Variants in ADGRG6 observed in about 807,000 individuals in gnomAD.
ADGRG6 encodes the protein adhesion G protein-coupled receptor G6.
In ADGRG6, 84 loss-of-function variants were observed where a neutral mutation model predicts 142.4. The observed-to-expected ratio is 0.59, with a 90% CI of 0.49 to 0.71. The LOEUF (loss-of-function observed/expected upper bound fraction) is 0.71. Among genes scored for constraint, ADGRG6 ranks in the 30% least tolerant of loss-of-function variants. The probability of loss-of-function intolerance (pLI) is 0.00; values close to 1 mark genes in which losing one functional copy is unlikely to be tolerated. For synonymous variants in ADGRG6, 521 were observed against 520.5 expected, an observed-to-expected ratio of 1.00 and a Z score of -0.01; for missense variants, 1,367 against 1,466.6, an observed-to-expected ratio of 0.93 and a Z score of 1.11.
chr6:142,417,190 C>A, intron 20 of ADGRG6, 83 bp from the exon 21 acceptor site: 1 of 778,890 alleles, frequency 1.3e-6, no homozygotes, highest in Non-Finnish European at 2.3e-6. Flanking sequence ...CTTTTCATTT[C>A]TTTTCTTTAC....
intron 2 of ADGRG6, among the ~76,000 whole-genome samples, chr6:142,351,763 C>T: frequency 6.6e-6 from 1 of 152,074 alleles, no homozygotes; most frequent in East Asian, 1.9e-4. Context: ...AACAGACAGC[C>T]TACAGAAGGG....
chr6:142,403,759 A>T lies in ADGRG6; in HGVS notation c.1956-43A>T, dbSNP rs749558513. On this transcript the variant is annotated intron_variant, in intron 13 of 24. Transcript: ENST00000367609. Reference sequence around the variant, plus strand: ...AAACATGTATGTTTAAGAATCTAAAATATCATATTACTTAATAGTGGCATT... The same window carrying T: ...AAACATGTATGTTTAAGAATCTAAATTATCATATTACTTAATAGTGGCATT... The T allele has an allele frequency of 4.1e-6, 5 of 1,233,702 alleles. No individual in the cohort carries two copies. In the South Asian group the frequency reaches 7.1e-5, roughly 18 times the overall value. The allele number at this position is 1,233,702 out of a possible 1,614,324, so 76.4% of individuals were successfully genotyped here. A position where few individuals can be genotyped will look rare whatever the true frequency, so the allele number is the denominator to read the frequency against.
At chr6:142,399,960 T>C (rs1434611178) in intron 10 of ADGRG6, among the ~76,000 whole-genome samples, 1 of 152,194 alleles carries the variant, frequency 6.6e-6, no homozygotes, top group Non-Finnish European at 1.5e-5. Flanking sequence ...TGAGAGTTTG[T>C]TGGTTTGCAG....
chr6:142,416,025 A>C lies in ADGRG6; in HGVS notation c.2899A>C (p.Ile967Leu). The change falls in exon 20 of 25, where the codon ATT becomes CTT. Residue 967 changes from isoleucine to leucine, a missense_variant. Physicochemically the swap from Ile to Leu is conservative, Grantham distance 5. Coordinates refer to ENST00000367609, the MANE Select transcript of ADGRG6 (RefSeq NM_198569.3). ...IALVKVFNTY[I>L]RRYILKFCII... Reference sequence around the variant, plus strand: ...TCTAGTTAAAGTATTTAACACTTACATTCGCCGATACATTCTAAAATTCTG... The same window carrying C: ...TCTAGTTAAAGTATTTAACACTTACCTTCGCCGATACATTCTAAAATTCTG... The C allele has an allele frequency of 6.2e-7, 1 of 1,612,970 alleles. No individual in the cohort carries two copies. Among genetic ancestry groups the C allele is most frequent in the East Asian group, 2.2e-5 (1 of 44,860 alleles).
intron 22 of ADGRG6, among the ~76,000 whole-genome samples, chr6:142,427,694 G>A (rs1777016185): frequency 6.6e-6 from 1 of 152,158 alleles, no homozygotes; most frequent in Non-Finnish European, 1.5e-5. Context: ...GTTTATAAAA[G>A]AAAGAGGTTT....
intron 6 of ADGRG6, among the ~76,000 whole-genome samples, chr6:142,389,665 T>C (rs768102704): frequency 6.6e-6 from 1 of 151,894 alleles, no homozygotes. Flanking sequence ...TTTTTTTCCC[T>C]CTATTTTGGT....
chr6:142,341,613 A>T lies in ADGRG6; in HGVS notation c.104-25956A>T, dbSNP rs569643399. ...TATTATATATTATATATACTATATA[A>T]TATGTAGTATATATAATATATAATA... is the stretch of plus-strand genomic sequence containing the variant. On this transcript the variant is annotated intron_variant, in intron 2 of 24. Transcript: ENST00000367609. Among the ~76,000 whole-genome samples, 2 of 122,720 alleles carry T rather than the reference A, an allele frequency of 1.6e-5. 1 individual carries two copies. Among genetic ancestry groups the T allele is most frequent in the Non-Finnish European group, 3.2e-5 (2 of 61,612 alleles). 80.5% of individuals were successfully genotyped at this position (122,720 alleles called of 152,430 possible).
chr6:142,324,606 G>T, intron 2 of ADGRG6, among the ~76,000 whole-genome samples: 1 of 152,110 alleles, frequency 6.6e-6, no homozygotes, highest in Non-Finnish European at 1.5e-5. Context: ...TAGTTTTTTC[G>T]TCTTAATTAT....
rs1777905713 is a variant in ADGRG6 at position 142,444,825 on chromosome 6, T to G, written c.*1310T>G. On this transcript the variant is annotated 3_prime_UTR_variant, in exon 25 of 25. Transcript: ENST00000367609. ...TAGATGATGGAGTCCATGCAGTTTC[T>G]TAGAAATCGGTCTCAGTGCATGCTG... The G allele has an allele frequency of 6.6e-6, 1 of 152,218 alleles. No individual in the cohort carries two copies. The highest frequency in any genetic ancestry group is 2.4e-5 in the African/African-American group (1 of 41,458). 9.4% of individuals were successfully genotyped at this position (152,218 alleles called of 1,614,324 possible). A position where few individuals can be genotyped will look rare whatever the true frequency, so the allele number is the denominator to read the frequency against.
chr6:142,321,559 G>T (rs901715108), intron 2 of ADGRG6, among the ~76,000 whole-genome samples: 5 of 151,902 alleles, frequency 3.3e-5, no homozygotes, highest in African/African-American at 1.2e-4. Context: ...TAAGAATAGG[G>T]TTCTCTAAAA....
In ADGRG6 at chr6:142,437,517, C is replaced by T. The variant is rs762950556; in HGVS notation, c.3403C>T (p.Arg1135Trp). The T allele has an allele frequency of 1.1e-5, 16 of 1,515,946 alleles. No individual in the cohort carries two copies. Among genetic ancestry groups the T allele is most frequent in the East Asian group, 2.3e-5 (1 of 44,390 alleles). 93.9% of individuals were successfully genotyped at this position (1,515,946 alleles called of 1,614,324 possible). A position where few individuals can be genotyped will look rare whatever the true frequency, so the allele number is the denominator to read the frequency against. Residue 1135 changes from arginine to tryptophan, a missense_variant, in exon 23 of 25, where the codon CGG (arginine) becomes TGG (tryptophan). By Grantham distance (101) the Arg-to-Trp change is moderately radical. This residue lies in a region of ADGRG6 where 344 missense variants were observed against 348.7 expected (regional missense o/e 0.99). Coordinates refer to ENST00000367609, the MANE Select transcript of ADGRG6 (RefSeq NM_198569.3). ...WRQHLCCGRF[R>W]LADNSDWSKT... ...GCAGCATCTCTGCTGTGGTAGATTT[C>T]GGTTAGCAGATAACTCAGGTAAAGA... is the stretch of plus-strand genomic sequence containing the variant.
intron 2 of ADGRG6, among the ~76,000 whole-genome samples, chr6:142,346,595 A>G (rs569239454): frequency 1.4e-4 from 22 of 152,244 alleles, no homozygotes; most frequent in Middle Eastern, 3.4e-3. Context: ...TTGCAGTACT[A>G]TTCACAATAG....
At chr6:142,406,151 G>A (rs568447122) in intron 15 of ADGRG6, among the ~76,000 whole-genome samples, 1 of 150,258 alleles carries the variant, frequency 6.7e-6, no homozygotes, top group Non-Finnish European at 1.5e-5. Flanking sequence ...CAATCATTTA[G>A]GCCTTTACAG....
chr6:142,312,172 G>C (rs1162513653), intron 2 of ADGRG6, among the ~76,000 whole-genome samples: 1 of 152,004 alleles, frequency 6.6e-6, no homozygotes, highest in Non-Finnish European at 1.5e-5. Flanking sequence ...GACTGTGATA[G>C]CTAGGTTAGG....
At chr6:142,334,934 A>G (rs2114683989) in intron 2 of ADGRG6, among the ~76,000 whole-genome samples, 1 of 152,314 alleles carries the variant, frequency 6.6e-6, no homozygotes, top group South Asian at 2.1e-4. Flanking sequence ...TGAAAGCCAT[A>G]TTGTTTAAAA....
At chr6:142,330,171 A>G (rs1463295326) in intron 2 of ADGRG6, among the ~76,000 whole-genome samples, 1 of 152,006 alleles carries the variant, frequency 6.6e-6, no homozygotes, top group Non-Finnish European at 1.5e-5. Flanking sequence ...CTCCAGCTCC[A>G]TCCATGTCCC....
intron 2 of ADGRG6, among the ~76,000 whole-genome samples, chr6:142,325,810 G>C (rs1219363316): frequency 1.3e-5 from 2 of 151,974 alleles, no homozygotes; most frequent in South Asian, 4.2e-4. Context: ...TTAAATGTAG[G>C]TGTTTGATTT....
chr6:142,408,416 G>A, intron 16 of ADGRG6, 147 bp downstream of exon 16: 1 of 537,996 alleles, frequency 1.9e-6, no homozygotes, highest in Non-Finnish European at 3.3e-6. Context: ...AACTGATCAG[G>A]TAGTGCTTTA....
chr6:142,398,947 C>G (rs558487455), intron 10 of ADGRG6, among the ~76,000 whole-genome samples: 6 of 152,254 alleles, frequency 3.9e-5, no homozygotes, highest in African/African-American at 1.4e-4. Flanking sequence ...TTACTTCCCA[C>G]ATATTTCCAG....
Sources: allele counts gnomAD v4.1 joint callset (sites outside exome capture counted in the v4.1 genomes callset), GRCh38; gene constraint gnomAD v4.1.1; regional missense constraint gnomAD v4.1.1; transcripts MANE v1.5; gene names NCBI Gene and HGNC (gene_info 2026-07-23, HGNC 2026-07-21).